The following GRIK2 variants were observed in gnomAD, a reference collection of about 807,000 sequenced individuals.
The protein encoded by GRIK2 is glutamate receptor ionotropic, kainate 2.
Under a neutral mutation model 100.3 loss-of-function variants are expected in GRIK2, and 32 were observed. That is an observed-to-expected ratio of 0.32 (90% CI 0.24 to 0.43). GRIK2 has a LOEUF of 0.43. Among genes scored for constraint, GRIK2 ranks in the 20% least tolerant of loss-of-function variants. The probability of loss-of-function intolerance (pLI) is 1.00; values close to 1 mark genes in which losing one functional copy is unlikely to be tolerated. For synonymous variants in GRIK2, 417 were observed against 389.4 expected, an observed-to-expected ratio of 1.07 and a Z score of -0.83; for missense variants, 843 against 1,114.9, an observed-to-expected ratio of 0.76 and a Z score of 3.47.
chr6:101,823,680 G>T (rs1782111098), intron 10 of GRIK2, among the ~76,000 whole-genome samples: 1 of 152,072 alleles, frequency 6.6e-6, no homozygotes, highest in Admixed American at 6.6e-5. Context: ...CAATTTTTGA[G>T]CAAGTAGTAG....
intron 14 of GRIK2, among the ~76,000 whole-genome samples, chr6:101,994,085 G>T (rs937309835): frequency 2.0e-5 from 3 of 148,126 alleles, no homozygotes; most frequent in African/African-American, 7.4e-5. Flanking sequence ...CATTATAAAT[G>T]AATGTATACA....
intron 4 of GRIK2, among the ~76,000 whole-genome samples, chr6:101,671,416 C>T (rs1163597302): frequency 2.0e-5 from 3 of 151,902 alleles, no homozygotes; most frequent in Admixed American, 6.6e-5. Flanking sequence ...AGAAGGGTAG[C>T]ATTATTTTAT....
At chr6:102,034,039 T>C (rs912142322) in intron 14 of GRIK2, among the ~76,000 whole-genome samples, 1 of 151,364 alleles carries the variant, frequency 6.6e-6, no homozygotes, top group Non-Finnish European at 1.5e-5. Context: ...TTATAAAATA[T>C]AATTATCTTG....
chr6:101,442,038 T>C (rs955883128), intron 2 of GRIK2, among the ~76,000 whole-genome samples: 7 of 147,502 alleles, frequency 4.7e-5, no homozygotes, highest in Non-Finnish European at 7.4e-5. Flanking sequence ...GAGATAAGAG[T>C]GGGTGGAGGT....
At chr6:101,787,295 CTATTT>C (rs1779493009) in intron 7 of GRIK2, among the ~76,000 whole-genome samples, 2 of 151,320 alleles carry the variant, frequency 1.3e-5, no homozygotes, top group African/African-American at 2.4e-5. Context: ...TTTTAAGTCT[CTATTT>C]CATTTATTTC....
intron 7 of GRIK2, among the ~76,000 whole-genome samples, chr6:101,726,367 T>C (rs1774864757): frequency 6.6e-6 from 1 of 152,004 alleles, no homozygotes; most frequent in Admixed American, 6.6e-5. Context: ...GAATTGATAA[T>C]CTAACTGGTG....
intron 2 of GRIK2, among the ~76,000 whole-genome samples, chr6:101,402,341 C>A (rs1562112036): frequency 6.6e-6 from 1 of 152,190 alleles, no homozygotes. Flanking sequence ...GGCACAGTGA[C>A]GTCTCTCTAG....
At chr6:101,689,718 A>C (rs1771953677) in intron 7 of GRIK2, among the ~76,000 whole-genome samples, 1 of 152,102 alleles carries the variant, frequency 6.6e-6, no homozygotes, top group Non-Finnish European at 1.5e-5. Context: ...CTTCTTTTAC[A>C]CATGAGGGTT....
At chr6:101,467,917 C>A (rs1771736745) in intron 2 of GRIK2, among the ~76,000 whole-genome samples, 1 of 141,636 alleles carries the variant, frequency 7.1e-6, no homozygotes, top group Admixed American at 7.0e-5. Context: ...TCATTTTTTG[C>A]ATGCCCACGA....
intron 12 of GRIK2, among the ~76,000 whole-genome samples, chr6:101,904,960 GACAA>G (rs1357436514): frequency 1.3e-5 from 2 of 151,350 alleles, no homozygotes; most frequent in East Asian, 1.9e-4. Context: ...TCTAGCTTAT[GACAA>G]ACAATGTACA....
At chr6:101,818,625 T>TGTTAATTTAGTTAATTTAGTTAATTTA (rs1781775236) in intron 10 of GRIK2, 142 bp downstream of exon 10, 1 of 591,454 alleles carries the variant, frequency 1.7e-6, no homozygotes, top group African/African-American at 1.9e-5. Flanking sequence ...GATGAGTCAA[T>TGTTAATTTAGTTAATTTAGTTAATTTA]GTTAATTTAG....
intron 7 of GRIK2, among the ~76,000 whole-genome samples, chr6:101,745,497 C>T (rs1776368760): frequency 1.3e-5 from 2 of 151,946 alleles, no homozygotes; most frequent in South Asian, 2.1e-4. Flanking sequence ...TTGGTATTCT[C>T]GTTGAGATGG....
chr6:102,025,199 C>T (rs1428922332), intron 14 of GRIK2, among the ~76,000 whole-genome samples: 2 of 150,928 alleles, frequency 1.3e-5, no homozygotes, highest in Admixed American at 1.3e-4. Context: ...TTCATTTATC[C>T]ATTTTTTTCT....
intron 14 of GRIK2, among the ~76,000 whole-genome samples, chr6:101,968,783 C>T (rs1311351766): frequency 2.0e-5 from 3 of 151,794 alleles, no homozygotes; most frequent in Admixed American, 6.6e-5. Context: ...GTGGCATACA[C>T]AAAAATATTA....
At chr6:101,520,171 TTTA>T (rs2128281123) in intron 2 of GRIK2, among the ~76,000 whole-genome samples, 2 of 101,038 alleles carry the variant, frequency 2.0e-5, no homozygotes, top group Non-Finnish European at 3.6e-5. Flanking sequence ...AAATCTTCTT[TTTA>T]TTATAAATGG....
rs1582695046 is a variant in GRIK2 at position 101,550,090 on chromosome 6, A to G, written c.116-71859A>G. Among the ~76,000 whole-genome samples the G allele has an allele frequency of 5.9e-5, 9 of 152,290 alleles. 1 individual carries two copies. In the South Asian group the frequency reaches 1.9e-3, roughly 32 times the overall value. ...AAACTGAGCCAAAAGCTCTATTGCT[A>G]AGATGCACAAAATTATAACTTGAAA... On this transcript the variant is annotated intron_variant, in intron 2 of 16. Coordinates refer to ENST00000369134, the MANE Select transcript of GRIK2 (RefSeq NM_021956.5).
chr6:101,531,211 G>A (rs1775427150), intron 2 of GRIK2, among the ~76,000 whole-genome samples: 1 of 151,796 alleles, frequency 6.6e-6, no homozygotes, highest in Non-Finnish European at 1.5e-5. Context: ...TTTTCCTTTA[G>A]TCAAAATTGA....
At chr6:101,880,565 T>A (rs1786176700) in intron 11 of GRIK2, among the ~76,000 whole-genome samples, 1 of 152,062 alleles carries the variant, frequency 6.6e-6, no homozygotes, top group Non-Finnish European at 1.5e-5. Flanking sequence ...GTCGAGAAAA[T>A]AGAAATTTAC....
At chr6:101,592,441 C>T (rs1459177461) in intron 2 of GRIK2, among the ~76,000 whole-genome samples, 1 of 149,556 alleles carries the variant, frequency 6.7e-6, no homozygotes, top group South Asian at 2.1e-4. Context: ...ATGTGAGTTA[C>T]CTAGAAAGGA....
Sources: gnomAD v4.1 joint callset for allele counts (sites outside exome capture counted in the v4.1 genomes callset) on GRCh38, gnomAD v4.1.1 for gene constraint, MANE v1.5 for transcripts, NCBI Gene and HGNC (gene_info 2026-07-23, HGNC 2026-07-21) for gene names.